Variants in PHAF1 observed in about 807,000 individuals in gnomAD.
PHAF1 encodes the protein phagophore assembly factor 1, also known as phagosome assembly factor 1.
A neutral mutation model predicts 63.1 loss-of-function variants in PHAF1; 23 were observed. The ratio of observed to expected loss-of-function variants is 0.36; its 90% CI spans 0.26 to 0.52. The LOEUF (loss-of-function observed/expected upper bound fraction) is 0.52. PHAF1 is among the 20% of genes least tolerant of loss of function. PHAF1 has a pLI of 0.93. For missense variants in PHAF1, 427 were observed against 517.2 expected (o/e 0.83, Z 1.69); for synonymous variants, 167 against 185.0 (o/e 0.90, Z 0.79).
rs765474714 is a variant in PHAF1, at chr16:67,132,475, C to T, written c.305C>T (p.Ala102Val). 7.4e-6 allele frequency: 12 copies of T among 1,613,626 alleles called. No individual in the cohort carries two copies. Among genetic ancestry groups the T allele is most frequent in the Non-Finnish European group, 1.0e-5 (12 of 1,179,716 alleles). Reference protein sequence around the residue: ...CGVHFNSQAIAPTIEQIDQSF... With the variant: ...CGVHFNSQAIVPTIEQIDQSF... The stretch of plus-strand genomic sequence containing the variant: ...GTGCATTTTAATTCTCAGGCCATAG[C>T]TCCTACCATTGAACAGATTGACCAG... Residue 102 changes from alanine to valine, a missense_variant, in exon 5 of 16, where the codon GCT becomes GTT. Coordinates refer to ENST00000219139, the MANE Select transcript of PHAF1 (RefSeq NM_025187.5).
Position 67,132,450 on chromosome 16 carries a change from G to C in PHAF1, c.280G>C (p.Val94Leu). ...AAAAATATTTTTGTTTTTCAGTGGC[G>C]TGCATTTTAATTCTCAGGCCATAGC... ...LTKVKLKYCGVHFNSQAIAPT... is the reference protein window; with the variant it reads ...LTKVKLKYCGLHFNSQAIAPT... The change falls in exon 5 of 16, where the codon GTG becomes CTG. Residue 94 changes from valine (V) to leucine (L), a missense_variant. By Grantham distance (32) the Val-to-Leu change is conservative. Coordinates refer to ENST00000219139, the MANE Select transcript of PHAF1 (RefSeq NM_025187.5). 1.2e-6 allele frequency: 2 copies of C among 1,600,872 alleles called. No individual in the cohort carries two copies. The highest frequency in any genetic ancestry group is 1.7e-6 in the Non-Finnish European group (2 of 1,171,266).
intron 14 of PHAF1, 60 bp from the exon 15 acceptor site, chr16:67,146,218 C>T: frequency 2.1e-6 from 3 of 1,462,518 alleles, no homozygotes; most frequent in East Asian, 4.5e-5. Flanking sequence ...AAGACTGGAT[C>T]CCTTGCTTTA....
intron 4 of PHAF1, chr16:67,132,156 G>C (rs960498524): frequency 2.0e-5 from 5 of 255,762 alleles, no homozygotes; most frequent in Non-Finnish European, 3.7e-5. Flanking sequence ...TTTTACTGGG[G>C]CCTTCATACC....
intron 15 of PHAF1, among the ~76,000 whole-genome samples, chr16:67,146,603 A>C (rs533330772): frequency 1.1e-4 from 17 of 152,354 alleles, no homozygotes; most frequent in African/African-American, 4.1e-4. Flanking sequence ...GAGGTAACGG[A>C]TCCCAAGTTT....
Position 67,136,192 on chromosome 16 carries a change from T to A in PHAF1, c.661+1725T>A, listed in dbSNP as rs1388961260. 3 of 152,060 alleles carry A rather than the reference T, an allele frequency of 2.0e-5. No homozygotes were observed. The East Asian group carries it at 5.8e-4, about 29-fold the overall frequency. The allele number at this position is 152,060 out of a possible 1,614,324, so 9.4% of individuals were successfully genotyped here. A position where few individuals can be genotyped will look rare whatever the true frequency, so the allele number is the denominator to read the frequency against. ...GGTAAAGCACGCCTGTACTCCCAGC[T>A]ACTCAGGAGGCTGAGACAGGAGAAT... On this transcript the variant is annotated intron_variant, in intron 8 of 15. Transcript: ENST00000219139.
rs918765443 is a variant in PHAF1 at position 67,140,019 on chromosome 16, C to A, written c.697C>A (p.Arg233=). The change falls in exon 9 of 16, where the codon CGG becomes AGG. Residue 233 remains arginine (R), a synonymous_variant. Coordinates refer to ENST00000219139, the MANE Select transcript of PHAF1 (RefSeq NM_025187.5). The part of the protein sequence containing the change: ...GPGLLADAKM[R]VFERSVYFGD... Reference sequence around the variant, plus strand: ...TGGCCTATTAGCAGATGCCAAGATGCGGGTATTTGAACGTTCAGTGTATTT... The same window carrying A: ...TGGCCTATTAGCAGATGCCAAGATGAGGGTATTTGAACGTTCAGTGTATTT... 1 of 1,614,006 alleles carries A rather than the reference C, an allele frequency of 6.2e-7. No homozygotes were observed.
In PHAF1 at chr16:67,147,169, G is replaced by A. The variant is rs371802322; in HGVS notation, c.*38G>A. On this transcript the variant is annotated 3_prime_UTR_variant, in exon 16 of 16. Coordinates refer to ENST00000219139, the MANE Select transcript of PHAF1 (RefSeq NM_025187.5). ...CCATGCCCCTCTGTCCCGTGGAACT[G>A]TGCATCACATCCTGCTCAGTGGGCC... The A allele has an allele frequency of 6.4e-6, 10 of 1,557,046 alleles. No individual in the cohort carries two copies. The highest frequency in any genetic ancestry group is 1.1e-5 in the South Asian group (1 of 89,694).
intron 12 of PHAF1, among the ~76,000 whole-genome samples, 196 bp from the exon 13 acceptor site, chr16:67,145,177 ATTG>A (rs763100593): frequency 2.0e-5 from 3 of 151,998 alleles, no homozygotes; most frequent in Non-Finnish European, 4.4e-5. Context: ...CCCACTGCCA[ATTG>A]TTGTTGCTCA....
At chr16:67,141,695 G>A (rs747299759) in intron 10 of PHAF1, among the ~76,000 whole-genome samples, 6 of 152,258 alleles carry the variant, frequency 3.9e-5, no homozygotes, top group Admixed American at 2.0e-4. Flanking sequence ...CCAGCTCCAC[G>A]TAAGGGTGAG....
At chr16:67,141,834 C>T (rs1250134959) in intron 10 of PHAF1, among the ~76,000 whole-genome samples, 3 of 152,246 alleles carry the variant, frequency 2.0e-5, no homozygotes, top group African/African-American at 7.2e-5. Context: ...TGTCACAGCT[C>T]TGGCTCGGGG....
intron 10 of PHAF1, among the ~76,000 whole-genome samples, chr16:67,141,715 C>T (rs963913574): frequency 5.3e-5 from 8 of 152,216 alleles, no homozygotes; most frequent in African/African-American, 1.7e-4. Flanking sequence ...GGCTAGATCA[C>T]GTGTACCGCA....
intron 1 of PHAF1, among the ~76,000 whole-genome samples, chr16:67,117,986 G>A (rs1439768440): frequency 2.1e-5 from 3 of 143,550 alleles, no homozygotes; most frequent in East Asian, 4.1e-4. Flanking sequence ...ATAGAGTCTC[G>A]CTCTGTAGCC....
intron 6 of PHAF1, 28 bp from the exon 7 acceptor site, chr16:67,134,140 A>G (rs750343191): frequency 2.3e-5 from 37 of 1,576,690 alleles, no homozygotes; most frequent in Non-Finnish European, 3.1e-5. Context: ...GTTGTGCCCT[A>G]AGTAAAACTC....
intron 1 of PHAF1, among the ~76,000 whole-genome samples, chr16:67,119,611 C>T (rs1477115683): frequency 6.6e-6 from 1 of 151,670 alleles, no homozygotes; most frequent in African/African-American, 2.4e-5. Context: ...ACCTCCGCCT[C>T]CTGGGTTCAA....
At chr16:67,121,326 G>A (rs1374141692) in intron 2 of PHAF1, among the ~76,000 whole-genome samples, 4 of 151,382 alleles carry the variant, frequency 2.6e-5, no homozygotes, top group Non-Finnish European at 5.9e-5. Context: ...CGAGTAGCTG[G>A]GACTACAGGC....
chr16:67,145,782 C>G (rs1335735446), intron 14 of PHAF1, among the ~76,000 whole-genome samples, 154 bp downstream of exon 14: 3 of 152,236 alleles, frequency 2.0e-5, no homozygotes, highest in Admixed American at 2.0e-4. Context: ...CACATTAGGA[C>G]TGAGTCAACT....
intron 3 of PHAF1, 114 bp from the exon 4 acceptor site, chr16:67,131,172 T>G: frequency 1.7e-6 from 1 of 586,530 alleles, no homozygotes; most frequent in Non-Finnish European, 2.7e-6. Context: ...AAATTTCTAT[T>G]GGTAATAGTT....
Position 67,147,268 on chromosome 16 carries a change from C to A in PHAF1, c.*137C>A. ...GCTGTTGTGATGTTCTGAGGTTGGGCTCAGGCTGGGTGCTCTGCCATGGGC... is the reference window on the plus strand; with the variant it reads ...GCTGTTGTGATGTTCTGAGGTTGGGATCAGGCTGGGTGCTCTGCCATGGGC... On this transcript the variant is annotated 3_prime_UTR_variant, in exon 16 of 16. Coordinates refer to ENST00000219139, the MANE Select transcript of PHAF1 (RefSeq NM_025187.5). 1 of 828,672 alleles carries A rather than the reference C, an allele frequency of 1.2e-6. No homozygotes were observed. 51.3% of individuals were successfully genotyped at this position (828,672 alleles called of 1,614,324 possible). A position where few individuals can be genotyped will look rare whatever the true frequency, so the allele number is the denominator to read the frequency against.
intron 8 of PHAF1, chr16:67,134,772 C>T (rs1266256284): frequency 1.6e-5 from 8 of 501,814 alleles, no homozygotes; most frequent in East Asian, 1.1e-4. Flanking sequence ...TGTTTTTTAA[C>T]GGCACTGATC....
Sources: allele counts gnomAD v4.1 joint callset (sites outside exome capture counted in the v4.1 genomes callset), GRCh38; gene constraint gnomAD v4.1.1; transcripts MANE v1.5; gene names NCBI Gene and HGNC (gene_info 2026-07-23, HGNC 2026-07-21).